GLIS1: variants seen among roughly 807,000 people sequenced by gnomAD.
The protein encoded by GLIS1 is zinc finger protein GLIS1.
Under a neutral mutation model 63.8 loss-of-function variants are expected in GLIS1, and 24 were observed. The observed-to-expected ratio is 0.38, with a 90% CI of 0.27 to 0.53. The LOEUF (loss-of-function observed/expected upper bound fraction) is 0.53, where lower values mean the gene tolerates loss of function less well. Among genes scored for constraint, GLIS1 ranks in the 20% least tolerant of loss-of-function variants. GLIS1 has a pLI of 0.85. For synonymous variants in GLIS1, 450 were observed against 482.5 expected (o/e 0.93, Z 0.88); for missense variants, 1,036 against 1,074.1 (o/e 0.96, Z 0.50).
At chr1:53,661,561 C>T (rs942360781) in intron 2 of GLIS1, among the ~76,000 whole-genome samples, 2 of 152,170 alleles carry the variant, frequency 1.3e-5, no homozygotes, top group Non-Finnish European at 2.9e-5. Flanking sequence ...AAAGGGGAGG[C>T]GTGGGGAGGA....
At position 53,548,188 on chromosome 1, in the gene GLIS1, T is replaced by G. The variant is rs555962830; in HGVS notation, c.1321-18236A>C. Among the ~76,000 whole-genome samples, 191 of 152,292 alleles carry G rather than the reference T, an allele frequency of 1.3e-3. 2 individuals carry two copies. The highest frequency in any genetic ancestry group is 4.5e-3 in the African/African-American group (186 of 41,566). ...TGATCTCACAGGGCCGTTCTGGCTCTGGCACTCCACATCCAGGGTGTGCCC... is the reference window on the plus strand; with the variant it reads ...TGATCTCACAGGGCCGTTCTGGCTCGGGCACTCCACATCCAGGGTGTGCCC... On this transcript the variant is annotated intron_variant, in intron 4 of 10. Transcript: ENST00000628545.
chr1:53,509,361 G>T, intron 9 of GLIS1, 74 bp from the exon 10 acceptor site: 2 of 1,376,878 alleles, frequency 1.5e-6, no homozygotes, highest in Non-Finnish European at 9.9e-7. Flanking sequence ...CATCCTTGCT[G>T]CACGCTCCAC....
chr1:53,683,277 C>T (rs1356011017), intron 2 of GLIS1, among the ~76,000 whole-genome samples: 1 of 152,198 alleles, frequency 6.6e-6, no homozygotes, highest in Admixed American at 6.5e-5. Context: ...CACTCAGTAA[C>T]CCGCTAACGG....
chr1:53,553,330 C>G (rs1408856707), intron 4 of GLIS1, among the ~76,000 whole-genome samples: 1 of 152,026 alleles, frequency 6.6e-6, no homozygotes, highest in Non-Finnish European at 1.5e-5. Context: ...GCTGCTCTCC[C>G]TCATGAGAAA....
chr1:53,534,678 C>T (rs1486741495), intron 4 of GLIS1, among the ~76,000 whole-genome samples: 3 of 151,380 alleles, frequency 2.0e-5, no homozygotes, highest in Non-Finnish European at 2.9e-5. Context: ...CCACCCCATC[C>T]CTGCTACTGT....
intron 2 of GLIS1, among the ~76,000 whole-genome samples, chr1:53,674,186 AAAAG>A (rs1646187051): frequency 6.6e-6 from 1 of 151,622 alleles, no homozygotes; most frequent in African/African-American, 2.4e-5. Context: ...AAAAAAAAAA[AAAAG>A]AAAAGAAAAA....
chr1:53,547,321 G>A (rs947671701), intron 4 of GLIS1, among the ~76,000 whole-genome samples: 9 of 152,198 alleles, frequency 5.9e-5, no homozygotes, highest in Admixed American at 2.6e-4. Context: ...CCTTGGCCTC[G>A]GGGCTGTCTT....
chr1:53,541,889 G>C (rs1477573350), intron 4 of GLIS1, among the ~76,000 whole-genome samples: 9 of 152,256 alleles, frequency 5.9e-5, no homozygotes, highest in Non-Finnish European at 1.2e-4. Context: ...GCAGCTGGGG[G>C]AGTTTGGTGA....
At chr1:53,709,986 G>A (rs1000944182) in intron 2 of GLIS1, among the ~76,000 whole-genome samples, 4 of 152,160 alleles carry the variant, frequency 2.6e-5, no homozygotes, top group African/African-American at 9.7e-5. Flanking sequence ...AGAACAGGTG[G>A]GGTAAAGTAC....
At chr1:53,681,556 C>T (rs1030693250) in intron 2 of GLIS1, among the ~76,000 whole-genome samples, 1 of 152,224 alleles carries the variant, frequency 6.6e-6, no homozygotes, top group Non-Finnish European at 1.5e-5. Context: ...CACAGGCAGC[C>T]AAGAAAGAGA....
intron 2 of GLIS1, among the ~76,000 whole-genome samples, chr1:53,606,626 AG>A (rs752754363): frequency 8.5e-5 from 13 of 152,230 alleles, no homozygotes; most frequent in Non-Finnish European, 1.5e-4. Context: ...AGAGACCAGC[AG>A]GGAGATGGGC....
At chr1:53,705,232 G>A (rs1379235061) in intron 2 of GLIS1, among the ~76,000 whole-genome samples, 2 of 152,150 alleles carry the variant, frequency 1.3e-5, no homozygotes, top group Non-Finnish European at 1.5e-5. Context: ...GCCCTGGGAG[G>A]AGAGAGCCAC....
chr1:53,516,580 A>G (rs914109047), intron 7 of GLIS1, among the ~76,000 whole-genome samples: 1 of 152,088 alleles, frequency 6.6e-6, no homozygotes. Flanking sequence ...TGGGAGGCCG[A>G]GGCGGGAGGA....
intron 2 of GLIS1, among the ~76,000 whole-genome samples, chr1:53,695,452 C>T (rs1448117298): frequency 3.9e-5 from 6 of 152,212 alleles, no homozygotes; most frequent in Non-Finnish European, 5.9e-5. Flanking sequence ...CAGGGCACTA[C>T]GGCAGCGACT....
intron 2 of GLIS1, among the ~76,000 whole-genome samples, chr1:53,602,942 C>A (rs189282225): frequency 3.9e-5 from 6 of 152,312 alleles, no homozygotes; most frequent in Admixed American, 3.9e-4. Context: ...AATAATTCTG[C>A]CAGGAGGGTA....
chr1:53,530,086 G>C, intron 4 of GLIS1, 134 bp from the exon 5 acceptor site: 1 of 780,682 alleles, frequency 1.3e-6, no homozygotes, highest in Non-Finnish European at 2.0e-6. Context: ...GAGAGCTCTG[G>C]ATCAGCTCCC....
intron 5 of GLIS1, among the ~76,000 whole-genome samples, chr1:53,527,625 T>G (rs185952589): frequency 2.2e-3 from 339 of 152,332 alleles, no homozygotes; most frequent in Non-Finnish European, 3.5e-3. Flanking sequence ...CATTCTCCAA[T>G]GCCAGAGGTG....
chr1:53,738,160 T>G (rs551893882), intron 1 of GLIS1, 54 bp from the exon 2 acceptor site: 5 of 1,088,622 alleles, frequency 4.6e-6, no homozygotes, highest in South Asian at 4.7e-5. Flanking sequence ...GCCCCCGTAT[T>G]GTCCCGGGGC....
intron 2 of GLIS1, among the ~76,000 whole-genome samples, chr1:53,716,797 G>A (rs535476282): frequency 1.7e-4 from 26 of 152,096 alleles, no homozygotes; most frequent in African/African-American, 4.8e-4. Context: ...TCTAGAAACC[G>A]GCAGTAGAGA....
Sources: gnomAD v4.1 joint callset for allele counts (sites outside exome capture counted in the v4.1 genomes callset) on GRCh38, gnomAD v4.1.1 for gene constraint, MANE v1.5 for transcripts, NCBI Gene and HGNC (gene_info 2026-07-23, HGNC 2026-07-21) for gene names.